Variants in THAP7 observed in about 807,000 individuals in gnomAD.
The protein encoded by THAP7 is THAP domain-containing protein 7.
Under a neutral mutation model 29.2 loss-of-function variants are expected in THAP7, and 22 were observed. That is an observed-to-expected ratio of 0.75 (90% confidence interval 0.54 to 1.08). The LOEUF (loss-of-function observed/expected upper bound fraction) is 1.08, where lower values mean the gene tolerates loss of function less well. Ranked by LOEUF, THAP7 falls within the 50% of genes least tolerant of loss-of-function variation. The pLI is 0.00. For missense variants in THAP7, 448 were observed against 416.2 expected, an observed-to-expected ratio of 1.08 and a Z score of -0.66; for synonymous variants, 208 against 173.4, an observed-to-expected ratio of 1.20 and a Z score of -1.57.
chr22:21,000,663 T>C lies in THAP7; in HGVS notation c.361A>G (p.Arg121Gly), dbSNP rs1338232623. Residue 121 changes from arginine (R) to glycine (G), a missense_variant, in exon 3 of 4, where the codon AGA becomes GGA. Physicochemically the swap from Arg to Gly is moderately radical, Grantham distance 125 (BLOSUM62 -2). Transcript: ENST00000215742. Reference sequence around the variant, plus strand: ...ATCACATACCGCTTCCTGCATCGTCTGAGCCGGCTGACTTCAGCGGGGCCA... The same window carrying C: ...ATCACATACCGCTTCCTGCATCGTCCGAGCCGGCTGACTTCAGCGGGGCCA... ...PPGPAEVSRLRRCRKRCSEGR... is the reference protein window; with the variant it reads ...PPGPAEVSRLGRCRKRCSEGR... The C allele has an allele frequency of 6.2e-7, 1 of 1,614,166 alleles. No homozygotes were observed. The highest frequency in any genetic ancestry group is 1.7e-5 in the Admixed American group (1 of 60,026).
chr22:21,001,849 G>A lies in THAP7; in HGVS notation c.63C>T (p.Arg21=), dbSNP rs377518343. ...GCGCTGACCTGTGGAAGGAGATGCCGCGGTTGCGCGTCTCGCGCGTGTCCC... is the reference window on the plus strand; with the variant it reads ...GCGCTGACCTGTGGAAGGAGATGCCACGGTTGCGCGTCTCGCGCGTGTCCC... The part of the protein sequence containing the change: ...CTRDTRETRN[R]GISFHRLPKK... Residue 21 remains arginine (R), a synonymous_variant, in exon 1 of 4, where the codon CGC becomes CGT. Coordinates refer to ENST00000215742, the MANE Select transcript of THAP7 (RefSeq NM_030573.3). The A allele has an allele frequency of 1.8e-4, 279 of 1,560,324 alleles. No homozygotes were observed. Among genetic ancestry groups the A allele is most frequent in the Non-Finnish European group, 2.1e-4 (246 of 1,154,384 alleles).
chr22:21,000,477 T>G (rs761577617), intron 3 of THAP7, 45 bp from the exon 4 acceptor site: 1 of 1,536,412 alleles, frequency 6.5e-7, no homozygotes, highest in Admixed American at 2.0e-5. Context: ...GCTGAGGGCT[T>G]GCCAGACCCC....
In THAP7 at chr22:21,000,021, C is replaced by T; in HGVS notation, c.789G>A (p.Arg263=). 1.2e-6 allele frequency: 2 copies of T among 1,612,940 alleles called. No homozygotes were observed. The highest frequency in any genetic ancestry group is 1.7e-4 in the Middle Eastern group (1 of 6,058). Residue 263 remains arginine (R), a synonymous_variant, in exon 4 of 4, where the codon CGG becomes CGA. Transcript: ENST00000215742. ...GTCTCAACCGCAGCCGCTGCTCCCG[C>T]CGCTTGCAGGCCTGCAGCTGGCGCT... ...KAQRQLQACK[R]REQRLRLRLT...
In THAP7 at chr22:21,001,926, G is replaced by A; in HGVS notation, c.-15C>T. 5.2e-6 allele frequency: 8 copies of A among 1,552,790 alleles called. No individual in the cohort carries two copies. The highest frequency in any genetic ancestry group is 2.4e-5 in the South Asian group (2 of 84,114). On this transcript the variant is annotated 5_prime_UTR_variant, in exon 1 of 4. Transcript: ENST00000215742. ...TGACGCGGCATCTGGGAAAGAGGCG[G>A]GAGTTAAGTCGCAAGCGGCTCTCCG...
chr22:21,000,361 A>G lies in THAP7; in HGVS notation c.449T>C (p.Val150Ala), dbSNP rs975163822. Residue 150 changes from valine (V) to alanine (A), a missense_variant, in exon 4 of 4, where the codon GTG (valine) becomes GCG (alanine). Transcript: ENST00000215742. ...AGTGGCAGGTGCTGAGGCCTCTTCC[A>G]CAGGAAAGCAGGTGACATCAGCAGG... ...PPPADVTCFP[V>A]EEASAPATLP... 4 of 1,553,220 alleles carry G rather than the reference A, an allele frequency of 2.6e-6. No individual in the cohort carries two copies. In the African/African-American group the frequency reaches 5.5e-5, roughly 21 times the overall value.
At chr22:21,001,210 G>A in intron 2 of THAP7, 46 bp downstream of exon 2, 1 of 1,603,138 alleles carries the variant, frequency 6.2e-7, no homozygotes, top group South Asian at 1.1e-5. Flanking sequence ...CCAGTCCGCC[G>A]GGAGCCCCAC....
intron 1 of THAP7, 148 bp from the exon 2 acceptor site, chr22:21,001,559 C>T: frequency 8.0e-7 from 1 of 1,254,614 alleles, no homozygotes; most frequent in East Asian, 2.4e-5. Flanking sequence ...CGCCCGGGCA[C>T]AGACGAGGCA....
At chr22:21,001,130 A>T (rs1234537188) in intron 2 of THAP7, 126 bp downstream of exon 2, 2 of 1,391,848 alleles carry the variant, frequency 1.4e-6, no homozygotes, top group Admixed American at 4.1e-5. Flanking sequence ...TTCACTGTGC[A>T]GAGCTGGGAA....
chr22:21,002,053 C>T lies in THAP7; in HGVS notation c.-142G>A. 2.7e-6 allele frequency: 2 copies of T among 737,242 alleles called. No individual in the cohort carries two copies. The highest frequency in any genetic ancestry group is 2.0e-5 in the South Asian group (1 of 49,516). The allele number at this position is 737,242 out of a possible 1,614,324, so 45.7% of individuals were successfully genotyped here. On this transcript the variant is annotated 5_prime_UTR_variant, in exon 1 of 4. Transcript: ENST00000215742. ...CGTTGTCGCCCCAACCCCGTCCCAG[C>T]CGATTCTCTTGACTTCTGTCAGCGG... is the stretch of plus-strand genomic sequence containing the variant.
rs1925009522 is a variant in THAP7, at chr22:20,999,256, G to A, written c.*624C>T. 6.6e-6 allele frequency: 1 copy of A among 152,230 alleles called. No individual in the cohort carries two copies. Among genetic ancestry groups the A allele is most frequent in the Non-Finnish European group, 1.5e-5 (1 of 68,112 alleles). 9.4% of individuals were successfully genotyped at this position (152,230 alleles called of 1,614,324 possible). On this transcript the variant is annotated 3_prime_UTR_variant, in exon 4 of 4. Coordinates refer to ENST00000215742, the MANE Select transcript of THAP7 (RefSeq NM_030573.3). ...CTGGCCACCTCTTCCTAGATTTCCA[G>A]GGACTAGCTTGTTGGGGCTTTACTA...
At chr22:21,001,556 G>T in intron 1 of THAP7, 145 bp from the exon 2 acceptor site, 1 of 1,276,208 alleles carries the variant, frequency 7.8e-7, no homozygotes, top group Non-Finnish European at 1.1e-6. Context: ...CACCGCCCGG[G>T]CACAGACGAG....
chr22:21,001,236 C>T lies in THAP7; in HGVS notation c.236+20G>A, dbSNP rs774685224. ...GGAGCCCCACATCCTACCCCAGCGT[C>T]GGCCGGCAGGGAGGCCCACCTGATT... On this transcript the variant is annotated intron_variant, in intron 2 of 3. Coordinates refer to ENST00000215742, the MANE Select transcript of THAP7 (RefSeq NM_030573.3). The T allele has an allele frequency of 1.9e-6, 3 of 1,608,632 alleles. No homozygotes were observed. Among genetic ancestry groups the T allele is most frequent in the South Asian group, 1.1e-5 (1 of 90,948 alleles).
intron 2 of THAP7, 171 bp from the exon 3 acceptor site, chr22:21,000,958 C>T (rs979716646): frequency 9.4e-7 from 1 of 1,068,108 alleles, no homozygotes; most frequent in Non-Finnish European, 1.3e-6. Context: ...TCCTCACAGT[C>T]CAGGTGTGTG....
intron 1 of THAP7, 75 bp downstream of exon 1, chr22:21,001,757 C>G (rs1217997112): frequency 2.1e-6 from 3 of 1,451,446 alleles, no homozygotes; most frequent in African/African-American, 1.4e-5. Context: ...GGCGCGAAGC[C>G]TCTACGCAGT....
At position 21,000,374 on chromosome 22, in the gene THAP7, T is replaced by C. The variant is rs561444117; in HGVS notation, c.436A>G (p.Thr146Ala). 8 of 1,553,226 alleles carry C rather than the reference T, an allele frequency of 5.2e-6. No individual in the cohort carries two copies. In the East Asian group the frequency reaches 1.9e-4, roughly 38 times the overall value. Residue 146 changes from threonine to alanine, a missense_variant, in exon 4 of 4, where the codon ACC becomes GCC. Physicochemically the swap from Thr to Ala is moderately conservative, Grantham distance 58. Coordinates refer to ENST00000215742, the MANE Select transcript of THAP7 (RefSeq NM_030573.3). ...GAGGCCTCTTCCACAGGAAAGCAGG[T>C]GACATCAGCAGGTGGAGGTGGAGAA... ...PFSPPPPADV[T>A]CFPVEEASAP... is the part of the protein sequence containing the mutation.
At position 20,999,770 on chromosome 22, in the gene THAP7, C is replaced by T. The variant is rs1925035183; in HGVS notation, c.*110G>A. The T allele has an allele frequency of 7.6e-7, 1 of 1,311,950 alleles. No homozygotes were observed. Among genetic ancestry groups the T allele is most frequent in the Non-Finnish European group, 1.0e-6 (1 of 975,740 alleles). 81.3% of individuals were successfully genotyped at this position (1,311,950 alleles called of 1,614,324 possible). On this transcript the variant is annotated 3_prime_UTR_variant, in exon 4 of 4. Transcript: ENST00000215742. The stretch of plus-strand genomic sequence containing the variant: ...GCCCCCAGCTGAGCCAGACAGCAGG[C>T]CCTCCGTCTAGAATCCGCTTTATTA...
rs1049748526 is a variant in THAP7 at position 21,001,045 on chromosome 22, G to A, written c.236+211C>T. On this transcript the variant is annotated intron_variant, in intron 2 of 3. Coordinates refer to ENST00000215742, the MANE Select transcript of THAP7 (RefSeq NM_030573.3). ...TTTGTGGACTTGCTGGCAAGACTGGGGCTCTGAAAGATACTCTCTGGAAAG... is the reference window on the plus strand; with the variant it reads ...TTTGTGGACTTGCTGGCAAGACTGGAGCTCTGAAAGATACTCTCTGGAAAG... 9 of 851,868 alleles carry A rather than the reference G, an allele frequency of 1.1e-5. No homozygotes were observed. In the African/African-American group the frequency reaches 1.5e-4, roughly 15 times the overall value. 52.8% of individuals were successfully genotyped at this position (851,868 alleles called of 1,614,324 possible).
rs201972321 is a variant in THAP7, at chr22:21,000,757, G to A, written c.267C>T (p.Val89=). 7.9e-5 allele frequency: 127 copies of A among 1,614,174 alleles called. 2 individuals carry two copies. In the East Asian group the frequency reaches 2.7e-3, roughly 34 times the overall value. The change falls in exon 3 of 4, where the codon GTC becomes GTT. Residue 89 remains valine, a synonymous_variant. Coordinates refer to ENST00000215742, the MANE Select transcript of THAP7 (RefSeq NM_030573.3). ...TGGAGAAAGACTCAAATATGGTGGG[G>A]ACTGCCCCCTCCTTTAGCCTGTGAT... ...SGYHRLKEGA[V]PTIFESFSKL...
chr22:21,001,496 C>T, intron 1 of THAP7, 85 bp from the exon 2 acceptor site: 5 of 1,520,526 alleles, frequency 3.3e-6, no homozygotes, highest in Non-Finnish European at 4.4e-6. Flanking sequence ...GAAACGCAGA[C>T]CCAACACGCG....
Sources: gnomAD v4.1 joint callset for allele counts on GRCh38, gnomAD v4.1.1 for gene constraint, MANE v1.5 for transcripts, NCBI Gene and HGNC (gene_info 2026-07-23, HGNC 2026-07-21) for gene names.